The following JAG1 variants were observed in gnomAD, a reference collection of about 807,000 sequenced individuals.
JAG1 encodes the protein protein jagged-1.
Under a neutral mutation model 148.7 loss-of-function variants are expected in JAG1, and 23 were observed. That is an observed-to-expected ratio of 0.15 (90% CI 0.11 to 0.22). The LOEUF is 0.22. Ranked by LOEUF, JAG1 falls within the 10% of genes least tolerant of loss-of-function variation. The pLI, the probability that JAG1 is intolerant of heterozygous loss-of-function variation, is 1.00. For missense variants in JAG1, 1,054 were observed against 1,611.2 expected (o/e 0.65, Z 5.92); for synonymous variants, 572 against 598.3 (o/e 0.96, Z 0.64).
At chr20:10,642,732 A>T (rs1160871399) in intron 20 of JAG1, 131 bp from the exon 21 acceptor site, 4 of 710,366 alleles carry the variant, frequency 5.6e-6, no homozygotes, top group Non-Finnish European at 1.0e-5. Context: ...GGTAAGCAGC[A>T]TCCAAAAGAA....
At chr20:10,669,717 T>C (rs1359351046) in intron 2 of JAG1, among the ~76,000 whole-genome samples, 2 of 152,082 alleles carry the variant, frequency 1.3e-5, no homozygotes, top group African/African-American at 4.8e-5. Flanking sequence ...GATGCAGCAA[T>C]ACAGCTAACT....
Position 10,673,414 on chromosome 20 carries a change from G to T in JAG1, c.81+36C>A. 2 of 1,397,040 alleles carry T rather than the reference G, an allele frequency of 1.4e-6. No individual in the cohort carries two copies. The highest frequency in any genetic ancestry group is 3.0e-5 in the African/African-American group (2 of 65,870). The allele number at this position is 1,397,040 out of a possible 1,614,324, so 86.5% of individuals were successfully genotyped here. ...CAGGGCGCCGCGAGGGGAGGGAGAG[G>T]ACGGCTGGGAGGGAGGCCCGGAGAA... On this transcript the variant is annotated intron_variant, in intron 1 of 25. Coordinates refer to ENST00000254958, the MANE Select transcript of JAG1 (RefSeq NM_000214.3). This position sits in a 1 kb window ranked among gnomAD's most constrained non-coding sequence, Gnocchi z 4.7.
At chr20:10,647,129 C>T (rs373728808) in intron 13 of JAG1, 26 bp from the exon 14 acceptor site, 8 of 1,613,922 alleles carry the variant, frequency 5.0e-6, no homozygotes, top group Non-Finnish European at 6.8e-6. Context: ...GGGATCAGAT[C>T]ACAGCCATGC....
chr20:10,673,038 G>C lies in JAG1; in HGVS notation c.82-32C>G, dbSNP rs1204120569. 1 of 1,597,550 alleles carries C rather than the reference G, an allele frequency of 6.3e-7. No homozygotes were observed. Among genetic ancestry groups the C allele is most frequent in the Non-Finnish European group, 8.5e-7 (1 of 1,176,704 alleles). ...GCGAGGGAAGGAGGTAGGTCAGCGC[G>C]GGAGAAAGCTGTTTTCTTCGAGTAT... On this transcript the variant is annotated intron_variant, in intron 1 of 25. Transcript: ENST00000254958. This position sits in a 1 kb window ranked among gnomAD's most constrained non-coding sequence, Gnocchi z 4.7.
chr20:10,661,640 A>G (rs1242144159), intron 3 of JAG1, among the ~76,000 whole-genome samples: 4 of 152,224 alleles, frequency 2.6e-5, no homozygotes, highest in African/African-American at 7.2e-5. Flanking sequence ...CAAGAGCAAC[A>G]GAAGGCCACC....
intron 21 of JAG1, 77 bp downstream of exon 21, chr20:10,642,411 T>C: frequency 1.2e-6 from 1 of 829,012 alleles, no homozygotes; most frequent in Non-Finnish European, 2.1e-6. Flanking sequence ...GTGGCTTATT[T>C]GTGAAAAGTC....
At chr20:10,668,703 T>C (rs1228160709) in intron 2 of JAG1, among the ~76,000 whole-genome samples, 1 of 151,978 alleles carries the variant, frequency 6.6e-6, no homozygotes, top group East Asian at 1.9e-4. Context: ...TTTTTCTCCA[T>C]GCTAAACTTT....
chr20:10,659,119 C>T (rs79874659), intron 3 of JAG1, among the ~76,000 whole-genome samples: 1,781 of 152,348 alleles, frequency 0.012, 24 homozygotes, highest in African/African-American at 0.035. Context: ...AAATCAACCT[C>T]TGTCCACAGT....
At chr20:10,659,559 C>CTT (rs35826283) in intron 3 of JAG1, among the ~76,000 whole-genome samples, 6,998 of 105,084 alleles carry the variant, frequency 0.067, 1,130 homozygotes, top group South Asian at 0.096. Context: ...GATTAAGTTA[C>CTT]TTTTTTTTTT....
At chr20:10,659,933 A>C (rs2067405071) in intron 3 of JAG1, among the ~76,000 whole-genome samples, 1 of 152,184 alleles carries the variant, frequency 6.6e-6, no homozygotes, top group Admixed American at 6.5e-5. Flanking sequence ...GAGGGATCTG[A>C]AAAGGCAGCA....
chr20:10,648,215 G>C, intron 12 of JAG1, 105 bp from the exon 13 acceptor site: 1 of 1,360,212 alleles, frequency 7.4e-7, no homozygotes, highest in Non-Finnish European at 1.0e-6. Flanking sequence ...CAGTTCCTTC[G>C]GTTTCTATTA....
At chr20:10,642,966 G>A (rs1023328267) in intron 20 of JAG1, among the ~76,000 whole-genome samples, 1 of 152,254 alleles carries the variant, frequency 6.6e-6, no homozygotes, top group Non-Finnish European at 1.5e-5. Flanking sequence ...TCCAACTCTT[G>A]TGGTATCATG....
rs33967297 is a variant in JAG1, at chr20:10,644,276, TCACACACACACACA to T, written c.2372+67_2372+80del. ...TTTAAACACAATCCCTGGGTGATTC[TCACACACACACACA>T]CACACACACACACACACACACACAC... is the stretch of plus-strand genomic sequence containing the variant. On this transcript the variant is annotated intron_variant, in intron 19 of 25. Coordinates refer to ENST00000254958, the MANE Select transcript of JAG1 (RefSeq NM_000214.3). 5.3e-3 allele frequency: 4,702 copies of T among 884,268 alleles called. 23 individuals are homozygous for T. Among genetic ancestry groups the T allele is most frequent in the African/African-American group, 0.021 (1,173 of 56,804 alleles). The allele number at this position is 884,268 out of a possible 1,614,324, so 54.8% of individuals were successfully genotyped here. A position where few individuals can be genotyped will look rare whatever the true frequency, so the allele number is the denominator to read the frequency against.
Position 10,645,348 on chromosome 20 carries a change from C to T in JAG1, c.2113+8G>A. On this transcript the variant is annotated splice_region_variant and intron_variant, in intron 16 of 25. Transcript: ENST00000254958. This position sits in a 1 kb window ranked among gnomAD's most constrained non-coding sequence, Gnocchi z 6.1. ...CAGAGATAGCATCCAAGGCCAACTA[C>T]CACTTACGTGAGTGGCAGGTCTTTC... The T allele has an allele frequency of 6.2e-7, 1 of 1,612,198 alleles. No homozygotes were observed. The highest frequency in any genetic ancestry group is 8.5e-7 in the Non-Finnish European group (1 of 1,178,374).
chr20:10,669,749 A>C (rs1293984310), intron 2 of JAG1, among the ~76,000 whole-genome samples: 1 of 152,024 alleles, frequency 6.6e-6, no homozygotes, highest in East Asian at 1.9e-4. Context: ...GTTCCCAAAA[A>C]GCTTTTGGAG....
intron 19 of JAG1, 104 bp downstream of exon 19, chr20:10,644,253 T>G: frequency 9.2e-7 from 1 of 1,085,992 alleles, no homozygotes; most frequent in Admixed American, 1.9e-5. Context: ...ACTTGCATTT[T>G]AAACACAATC....
rs183288148 is a variant in JAG1 at position 10,640,725 on chromosome 20, A to G, written c.3199+58T>C. On this transcript the variant is annotated intron_variant, in intron 25 of 25. Transcript: ENST00000254958. The stretch of plus-strand genomic sequence containing the variant: ...ATCCCTCGACCTGATGGCTTTATTG[A>G]ATAGTATAATGAGATCATCTACTAT... 4 of 1,548,908 alleles carry G rather than the reference A, an allele frequency of 2.6e-6. No individual in the cohort carries two copies. In the African/African-American group the frequency reaches 4.1e-5, roughly 16 times the overall value.
At chr20:10,651,294 C>T (rs189913720) in intron 8 of JAG1, 11 of 381,612 alleles carry the variant, frequency 2.9e-5, no homozygotes, top group Admixed American at 7.8e-5. Flanking sequence ...AGAAGAATAA[C>T]CACAATTGGA....
At chr20:10,663,928 G>C (rs1393982888) in intron 3 of JAG1, 35 bp downstream of exon 3, 7 of 1,580,814 alleles carry the variant, frequency 4.4e-6, no homozygotes, top group Non-Finnish European at 6.1e-6. Context: ...ACTTCCACGT[G>C]TGTTTAGAGA....
Sources: gnomAD v4.1 joint callset for allele counts (sites outside exome capture counted in the v4.1 genomes callset) on GRCh38, gnomAD v4.1.1 for gene constraint, Gnocchi (gnomAD v3.1) non-coding constraint, MANE v1.5 for transcripts, NCBI Gene and HGNC (gene_info 2026-07-23, HGNC 2026-07-21) for gene names.